The following SLC35F3 variants were observed in gnomAD, a reference collection of about 807,000 sequenced individuals.
SLC35F3 encodes putative thiamine transporter SLC35F3.
In SLC35F3, 25 loss-of-function variants were observed where a neutral mutation model predicts 49.9. The ratio of observed to expected loss-of-function variants is 0.50; its 90% confidence interval spans 0.37 to 0.70. The LOEUF (loss-of-function observed/expected upper bound fraction) is 0.70, where lower values mean the gene tolerates loss of function less well. Ranked by LOEUF, SLC35F3 falls within the 30% of genes least tolerant of loss-of-function variation. The probability of loss-of-function intolerance (pLI) is 0.00; values close to 1 mark genes in which losing one functional copy is unlikely to be tolerated. For missense variants in SLC35F3, 525 were observed against 639.8 expected (o/e 0.82, Z 1.94); for synonymous variants, 275 against 265.4 (o/e 1.04, Z -0.35).
At chr1:234,165,882 A>C (rs1666311134) in intron 2 of SLC35F3, among the ~76,000 whole-genome samples, 1 of 152,056 alleles carries the variant, frequency 6.6e-6, no homozygotes, top group Non-Finnish European at 1.5e-5. Context: ...TCCAGTGTCC[A>C]TTACACCACT....
chr1:234,257,997 C>T lies in SLC35F3; in HGVS notation c.608+26256C>T, dbSNP rs148409609. On this transcript the variant is annotated intron_variant, in intron 3 of 7. Coordinates refer to ENST00000366618, the MANE Select transcript of SLC35F3 (RefSeq NM_173508.4). ...TTTTGTAATCACCTGACAGTGTAAT[C>T]GCCTGCAGTTCTTGCCCACTGTACA... 1.4e-4 allele frequency among the ~76,000 whole-genome samples: 22 copies of T among 152,288 alleles called. No homozygotes were observed. In the East Asian group the frequency reaches 2.5e-3, roughly 17 times the overall value.
intron 2 of SLC35F3, among the ~76,000 whole-genome samples, chr1:233,926,697 T>G (rs1214185055): frequency 1.3e-5 from 2 of 152,208 alleles, no homozygotes; most frequent in African/African-American, 4.8e-5. Flanking sequence ...GCTGCGTTCC[T>G]TTGAAGGAGA....
intron 3 of SLC35F3, among the ~76,000 whole-genome samples, chr1:234,293,532 G>A (rs1027920281): frequency 2.0e-5 from 3 of 152,206 alleles, no homozygotes; most frequent in African/African-American, 7.2e-5. Flanking sequence ...TAGATGGTTA[G>A]TCAAATCTAA....
At chr1:234,222,538 C>G (rs1043221257) in intron 2 of SLC35F3, among the ~76,000 whole-genome samples, 1 of 152,180 alleles carries the variant, frequency 6.6e-6, no homozygotes, top group African/African-American at 2.4e-5. Context: ...ACCAGAGATG[C>G]CATACTCCCC....
chr1:233,955,082 G>A (rs1662674477), intron 2 of SLC35F3, among the ~76,000 whole-genome samples: 2 of 152,154 alleles, frequency 1.3e-5, no homozygotes, highest in Middle Eastern at 3.4e-3. Flanking sequence ...GAACTCAGGT[G>A]ATCCACCTGC....
chr1:234,313,016 CAG>C (rs1657397007), intron 4 of SLC35F3, among the ~76,000 whole-genome samples: 1 of 152,006 alleles, frequency 6.6e-6, no homozygotes, highest in Non-Finnish European at 1.5e-5. Context: ...AGCTGGTAGT[CAG>C]GGGCATGCCA....
chr1:233,978,630 T>C (rs1454938054), intron 2 of SLC35F3, among the ~76,000 whole-genome samples: 1 of 152,228 alleles, frequency 6.6e-6, no homozygotes, highest in Non-Finnish European at 1.5e-5. Flanking sequence ...ATGAATAATT[T>C]TCTACCAGAG....
At chr1:233,930,613 T>C (rs2102793222) in intron 2 of SLC35F3, among the ~76,000 whole-genome samples, 2 of 152,306 alleles carry the variant, frequency 1.3e-5, no homozygotes, top group Middle Eastern at 6.8e-3. Context: ...CTACATGTGA[T>C]GTTTGACTTC....
rs566500209 is a variant in SLC35F3, at chr1:234,129,106, AAAGAAGGCAAGCTAG to A, written c.284-102299_284-102285del. ...GTTTATCAAGACACCATTAATAGAG[AAAGAAGGCAAGCTAG>A]AAGAAGGCAAGTAGAAGAAGATATT... On this transcript the variant is annotated intron_variant, in intron 2 of 7. Transcript: ENST00000366618. 1.1e-3 allele frequency among the ~76,000 whole-genome samples: 175 copies of A among 152,312 alleles called. 4 individuals carry two copies. In the South Asian group the frequency reaches 0.035, roughly 30 times the overall value.
intron 3 of SLC35F3, among the ~76,000 whole-genome samples, chr1:234,290,552 C>T (rs1668490594): frequency 6.6e-6 from 1 of 152,140 alleles, no homozygotes; most frequent in Non-Finnish European, 1.5e-5. Context: ...TGCCCCATGT[C>T]CTGGAGTTGG....
Position 233,918,796 on chromosome 1 carries a change from CTT to C in SLC35F3, c.283+13040_283+13041del, listed in dbSNP as rs750141914. On this transcript the variant is annotated intron_variant, in intron 2 of 7. Coordinates refer to ENST00000366618, the MANE Select transcript of SLC35F3 (RefSeq NM_173508.4). ...TCTCTCTTTCTCTCTCTCTCTCTCT[CTT>C]TCTCTCTCTCTCTCTCTCTATATAT... 4.1e-3 allele frequency among the ~76,000 whole-genome samples: 299 copies of C among 72,332 alleles called. 3 individuals are homozygous for C. Among genetic ancestry groups the C allele is most frequent in the Middle Eastern group, 7.7e-3 (1 of 130 alleles). The allele number at this position is 72,332 out of a possible 152,430, so 47.5% of individuals were successfully genotyped here. A position where few individuals can be genotyped will look rare whatever the true frequency, so the allele number is the denominator to read the frequency against.
intron 2 of SLC35F3, among the ~76,000 whole-genome samples, chr1:233,910,988 G>A (rs77355552): frequency 0.043 from 6,539 of 152,210 alleles, 310 homozygotes; most frequent in East Asian, 0.19. Flanking sequence ...ACAAATCCCA[G>A]CTTATCTGGG....
At chr1:234,312,997 C>T (rs763882499) in intron 4 of SLC35F3, among the ~76,000 whole-genome samples, 4 of 152,084 alleles carry the variant, frequency 2.6e-5, no homozygotes, top group African/African-American at 4.8e-5. Flanking sequence ...TCACCTCAAC[C>T]TCCTGAGTAG....
At chr1:233,924,122 C>G (rs897106695) in intron 2 of SLC35F3, among the ~76,000 whole-genome samples, 2 of 152,152 alleles carry the variant, frequency 1.3e-5, no homozygotes, top group African/African-American at 4.8e-5. Flanking sequence ...TGTTGTGTCT[C>G]TGCCAGGCTT....
At position 234,323,714 on chromosome 1, in the gene SLC35F3, A is replaced by G; in HGVS notation, c.*471A>G. 6.3e-6 allele frequency: 1 copy of G among 159,214 alleles called. No individual in the cohort carries two copies. The allele number at this position is 159,214 out of a possible 1,614,324, so 9.9% of individuals were successfully genotyped here. ...TGAACCAAAAGATAACTGTCAATTT[A>G]TTTGGATGGATGGATGGAGGGATGG... is the stretch of plus-strand genomic sequence containing the variant. On this transcript the variant is annotated 3_prime_UTR_variant, in exon 8 of 8. Transcript: ENST00000366618. The surrounding 1 kb of genome is among the most constrained non-coding windows in gnomAD (Gnocchi z 4.5).
At chr1:234,077,814 GC>G (rs1664815178) in intron 2 of SLC35F3, among the ~76,000 whole-genome samples, 1 of 150,520 alleles carries the variant, frequency 6.6e-6, no homozygotes, top group African/African-American at 2.5e-5. Context: ...GTGCTGCCTG[GC>G]ACCCTCCAGG....
chr1:234,058,674 A>C (rs184388299), intron 2 of SLC35F3, among the ~76,000 whole-genome samples: 1 of 152,156 alleles, frequency 6.6e-6, no homozygotes, highest in East Asian at 1.9e-4. Context: ...TATTTTATCG[A>C]GAATTTTTGC....
intron 2 of SLC35F3, among the ~76,000 whole-genome samples, chr1:233,950,859 C>T (rs768465068): frequency 2.6e-5 from 4 of 151,802 alleles, no homozygotes; most frequent in Non-Finnish European, 4.4e-5. Context: ...TTTTTTTCCC[C>T]CTGCAATATC....
rs141502832 is a variant in SLC35F3, at chr1:234,130,928, A to C, written c.284-100489A>C. On this transcript the variant is annotated intron_variant, in intron 2 of 7. Coordinates refer to ENST00000366618, the MANE Select transcript of SLC35F3 (RefSeq NM_173508.4). ...AGCAACCAAACTGTTTTGTGACAAT[A>C]GAATGGATAAAAAAAATTTATATAT... Among the ~76,000 whole-genome samples, 286 of 129,294 alleles carry C rather than the reference A, an allele frequency of 2.2e-3. 2 individuals carry two copies. Among genetic ancestry groups the C allele is most frequent in the African/African-American group, 6.7e-3 (265 of 39,814 alleles). 84.8% of individuals were successfully genotyped at this position (129,294 alleles called of 152,430 possible).
Sources: gnomAD v4.1 joint callset for allele counts (sites outside exome capture counted in the v4.1 genomes callset) on GRCh38, gnomAD v4.1.1 for gene constraint, Gnocchi (gnomAD v3.1) non-coding constraint, MANE v1.5 for transcripts, NCBI Gene and HGNC (gene_info 2026-07-23, HGNC 2026-07-21) for gene names.